The following C12orf56 variants were observed in gnomAD, a reference collection of about 807,000 sequenced individuals.
C12orf56 encodes chromosome 12 open reading frame 56, also known as uncharacterized protein C12orf56.
In C12orf56, 71 loss-of-function variants were observed where a neutral mutation model predicts 69.9. The ratio of observed to expected loss-of-function variants is 1.02; its 90% CI spans 0.84 to 1.24. The LOEUF is 1.24. Ranked by LOEUF, C12orf56 falls within the 50% of genes most tolerant of loss-of-function variation. C12orf56 has a pLI of 0.00. For synonymous variants in C12orf56, 276 were observed against 274.1 expected (o/e 1.01, Z -0.07); for missense variants, 732 against 738.5 (o/e 0.99, Z 0.10).
chr12:64,293,344 A>C, intron 6 of C12orf56: 1 of 153,256 alleles, frequency 6.5e-6, no homozygotes, highest in Non-Finnish European at 1.5e-5. Context: ...TGTAGACCGG[A>C]GCTGTTCCTA....
Position 64,382,641 on chromosome 12 carries a change from G to A in C12orf56, c.252+7673C>T, listed in dbSNP as rs141359566. On this transcript the variant is annotated intron_variant, in intron 1 of 12. Coordinates refer to ENST00000543942, the MANE Select transcript of C12orf56 (RefSeq NM_001170633.2). Reference sequence around the variant, plus strand: ...TGTAATCCCAGCACTTCAGGAGGCCGAGGTGGGTGGATCACAAGGTCAGGA... The same window carrying A: ...TGTAATCCCAGCACTTCAGGAGGCCAAGGTGGGTGGATCACAAGGTCAGGA... Among the ~76,000 whole-genome samples, 590 of 152,168 alleles carry A rather than the reference G, an allele frequency of 3.9e-3. 5 individuals are homozygous for A. Among genetic ancestry groups the A allele is most frequent in the African/African-American group, 0.013 (554 of 41,524 alleles).
At chr12:64,328,679 C>CAAAAAAAAAAAAAAAAAAAA (rs59688148) in intron 3 of C12orf56, among the ~76,000 whole-genome samples, 1 of 57,908 alleles carries the variant, frequency 1.7e-5, no homozygotes, top group Non-Finnish European at 3.1e-5. Context: ...GACTCCATCT[C>CAAAAAAAAAAAAAAAAAAAA]AAAAAAAAAA....
At chr12:64,293,318 C>A (rs138030950) in intron 6 of C12orf56, 3,153 of 152,760 alleles carry the variant, frequency 0.021, 105 homozygotes, top group African/African-American at 0.071. Flanking sequence ...TCTTCTGCGT[C>A]GCTCACGCTG....
At chr12:64,345,378 T>C (rs1377990551) in intron 2 of C12orf56, among the ~76,000 whole-genome samples, 1 of 152,150 alleles carries the variant, frequency 6.6e-6, no homozygotes, top group Non-Finnish European at 1.5e-5. Context: ...AGGGATGGGA[T>C]GTTGCCATTA....
chr12:64,333,293 G>A (rs1045622581), intron 2 of C12orf56, among the ~76,000 whole-genome samples: 2 of 152,098 alleles, frequency 1.3e-5, no homozygotes, highest in Non-Finnish European at 2.9e-5. Flanking sequence ...GATTACCGAG[G>A]CTTATTTGTT....
At chr12:64,347,764 C>A (rs914546420) in intron 2 of C12orf56, among the ~76,000 whole-genome samples, 6 of 152,130 alleles carry the variant, frequency 3.9e-5, no homozygotes, top group African/African-American at 7.2e-5. Context: ...AGCTGTGGTA[C>A]CTTTTAGTTT....
intron 7 of C12orf56, 40 bp downstream of exon 7, chr12:64,285,914 C>CAAAA: frequency 9.4e-7 from 1 of 1,068,760 alleles, no homozygotes; most frequent in Non-Finnish European, 1.3e-6. Flanking sequence ...AACACCCTAG[C>CAAAA]AAAAAAAAAA....
intron 1 of C12orf56, among the ~76,000 whole-genome samples, chr12:64,360,810 AAATCAGGAAACATAGT>A: frequency 1.3e-5 from 2 of 152,372 alleles, no homozygotes; most frequent in East Asian, 3.9e-4. Flanking sequence ...TTAAAAGTCC[AAATCAGGAAACATAGT>A]TTTTTTTCCT....
intron 1 of C12orf56, among the ~76,000 whole-genome samples, chr12:64,369,342 C>T (rs931742075): frequency 6.6e-6 from 1 of 152,162 alleles, no homozygotes; most frequent in African/African-American, 2.4e-5. Flanking sequence ...GGATTACAGG[C>T]ATGTGCCACC....
intron 3 of C12orf56, among the ~76,000 whole-genome samples, chr12:64,330,372 C>A (rs1367431666): frequency 6.6e-6 from 1 of 152,172 alleles, no homozygotes; most frequent in African/African-American, 2.4e-5. Context: ...TTCTTTTCTG[C>A]CTGGATCTCC....
intron 6 of C12orf56, among the ~76,000 whole-genome samples, chr12:64,292,948 A>T (rs889888604): frequency 2.1e-5 from 3 of 145,954 alleles, no homozygotes; most frequent in Non-Finnish European, 3.1e-5. Context: ...CCCCTCCCCC[A>T]GCCTCGCTGC....
intron 6 of C12orf56, among the ~76,000 whole-genome samples, 198 bp from the exon 7 acceptor site, chr12:64,286,258 G>A (rs1159211863): frequency 3.9e-5 from 6 of 152,184 alleles, no homozygotes; most frequent in African/African-American, 1.4e-4. Context: ...CTGTGCTGGT[G>A]ACCAGAGCAA....
chr12:64,364,893 T>C (rs1243466386), intron 1 of C12orf56, among the ~76,000 whole-genome samples: 3 of 152,000 alleles, frequency 2.0e-5, no homozygotes, highest in Admixed American at 6.6e-5. Context: ...ACTGCATGGC[T>C]TTGTCCTACC....
intron 1 of C12orf56, among the ~76,000 whole-genome samples, chr12:64,387,446 C>A (rs1404983351): frequency 6.6e-6 from 1 of 152,152 alleles, no homozygotes; most frequent in Admixed American, 6.6e-5. Flanking sequence ...AATTGGTATC[C>A]TTTTTTGTAG....
rs754799392 is a variant in C12orf56, at chr12:64,274,973, TC to T, written c.1511del (p.Gly504GlufsTer15). 33 of 1,608,274 alleles carry T rather than the reference TC, an allele frequency of 2.1e-5. No homozygotes were observed. Among genetic ancestry groups the T allele is most frequent in the Middle Eastern group, 3.3e-4 (2 of 6,072 alleles). ...LYEILLVFQQ[G>X]NLGLGSTKFA... The stretch of plus-strand genomic sequence containing the variant: ...ACTTTGTGGATCCCAATCCGAGATT[TC>T]CCTAAAAGACTCAAGGAAATAAACA... On this transcript the variant is annotated frameshift_variant and splice_region_variant, in exon 11 of 13. Coordinates refer to ENST00000543942, the MANE Select transcript of C12orf56 (RefSeq NM_001170633.2). LOFTEE classifies it high-confidence loss of function.
At chr12:64,332,258 G>A (rs562032572) in intron 2 of C12orf56, among the ~76,000 whole-genome samples, 2 of 132,660 alleles carry the variant, frequency 1.5e-5, no homozygotes, top group African/African-American at 2.9e-5. Flanking sequence ...ACCCAAGATT[G>A]TACCACTGCA....
chr12:64,287,002 C>T (rs759599547), intron 6 of C12orf56, among the ~76,000 whole-genome samples: 10 of 151,898 alleles, frequency 6.6e-5, no homozygotes, highest in Non-Finnish European at 5.9e-5. Context: ...TTTGGGAGGC[C>T]GAGGTGGGCA....
chr12:64,301,437 C>T (rs2082950), intron 6 of C12orf56, among the ~76,000 whole-genome samples: 106,296 of 152,026 alleles, frequency 0.7, 38,329 homozygotes, highest in Non-Finnish European at 0.79. Context: ...AGGAACTCCC[C>T]AAACCTCCGT....
intron 1 of C12orf56, among the ~76,000 whole-genome samples, chr12:64,362,910 A>T (rs2039417188): frequency 6.6e-6 from 1 of 152,150 alleles, no homozygotes; most frequent in Non-Finnish European, 1.5e-5. Flanking sequence ...GTAAACTGAC[A>T]TGTCACTGGT....
Sources: allele counts gnomAD v4.1 joint callset (sites outside exome capture counted in the v4.1 genomes callset), GRCh38; gene constraint gnomAD v4.1.1; transcripts MANE v1.5; gene names NCBI Gene and HGNC (gene_info 2026-07-23, HGNC 2026-07-21).